Variants in ENTPD3 observed in about 807,000 individuals in gnomAD.
ENTPD3 encodes ectonucleoside triphosphate diphosphohydrolase 3, also known as CD39 antigen-like 3.
A neutral mutation model predicts 51.2 loss-of-function variants in ENTPD3; 60 were observed. The ratio of observed to expected loss-of-function variants is 1.17; its 90% CI spans 0.95 to 1.45. ENTPD3 has a LOEUF of 1.45. Ranked by LOEUF, ENTPD3 falls within the 40% of genes most tolerant of loss-of-function variation. The probability of loss-of-function intolerance (pLI) is 0.00; values close to 1 mark genes in which losing one functional copy is unlikely to be tolerated. For missense variants in ENTPD3, 593 were observed against 641.1 expected (o/e 0.93, Z 0.81); for synonymous variants, 221 against 238.4 (o/e 0.93, Z 0.67).
chr3:40,416,997 C>T (rs1955762687), intron 7 of ENTPD3, among the ~76,000 whole-genome samples: 1 of 152,148 alleles, frequency 6.6e-6, no homozygotes, highest in South Asian at 2.1e-4. Flanking sequence ...GCATCTTCAG[C>T]AGGACTCACA....
Position 40,423,135 on chromosome 3 carries a change from C to A in ENTPD3, c.1104+13C>A, listed in dbSNP as rs755506622. On this transcript the variant is annotated intron_variant, in intron 8 of 10. Coordinates refer to ENST00000301825, the MANE Select transcript of ENTPD3 (RefSeq NM_001248.4). ...AGGGCCATTTGTGGTAAGAGCAAAA[C>A]CTTCTGAAAGATTCCTTTCCCCATT... 2.5e-6 allele frequency: 4 copies of A among 1,601,572 alleles called. No homozygotes were observed. The East Asian group carries it at 6.7e-5, about 27-fold the overall frequency.
chr3:40,392,157 G>A lies in ENTPD3; in HGVS notation c.168+7G>A. On this transcript the variant is annotated splice_region_variant and intron_variant, in intron 3 of 10. Coordinates refer to ENST00000301825, the MANE Select transcript of ENTPD3 (RefSeq NM_001248.4). ...CCTCCCTCCAGGACTGAAGGTAAGT[G>A]TGAAGGGACTGGCAACAAAGGGAAG... 2 of 1,613,256 alleles carry A rather than the reference G, an allele frequency of 1.2e-6. No homozygotes were observed. The highest frequency in any genetic ancestry group is 2.2e-5 in the East Asian group (1 of 44,860).
At chr3:40,425,342 G>A (rs1476601858) in intron 10 of ENTPD3, among the ~76,000 whole-genome samples, 1 of 152,026 alleles carries the variant, frequency 6.6e-6, no homozygotes, top group Non-Finnish European at 1.5e-5. Flanking sequence ...CTTGCACCTG[G>A]GAGGTGAAGG....
intron 2 of ENTPD3, 143 bp downstream of exon 2, chr3:40,388,240 C>A: frequency 1.4e-6 from 1 of 711,166 alleles, no homozygotes; most frequent in South Asian, 1.7e-5. Context: ...AGCTGGGTTT[C>A]AACACCGGCA....
chr3:40,408,844 C>T (rs987687482), intron 4 of ENTPD3, among the ~76,000 whole-genome samples: 3 of 152,096 alleles, frequency 2.0e-5, no homozygotes, highest in Non-Finnish European at 4.4e-5. Context: ...CCAGCCTGGG[C>T]AACATAGCAA....
chr3:40,417,474 C>T (rs554081417), intron 7 of ENTPD3, among the ~76,000 whole-genome samples: 1 of 152,068 alleles, frequency 6.6e-6, no homozygotes, highest in Non-Finnish European at 1.5e-5. Context: ...GATCTCCTGA[C>T]AACTCACTCA....
chr3:40,402,339 G>A lies in ENTPD3; in HGVS notation c.286+1328G>A, dbSNP rs192577195. ...TCACCATGTTGGCCAGGCTGGCTTC[G>A]AACTCCTGACCTCAAGTGATCCACC... is the stretch of plus-strand genomic sequence containing the variant. On this transcript the variant is annotated intron_variant, in intron 4 of 10. Coordinates refer to ENST00000301825, the MANE Select transcript of ENTPD3 (RefSeq NM_001248.4). 6.4e-3 allele frequency among the ~76,000 whole-genome samples: 969 copies of A among 151,794 alleles called. 4 individuals carry two copies. Among genetic ancestry groups the A allele is most frequent in the Non-Finnish European group, 0.011 (750 of 67,934 alleles).
intron 6 of ENTPD3, 129 bp downstream of exon 6, chr3:40,414,969 G>T (rs1955712880): frequency 1.1e-6 from 1 of 910,156 alleles, no homozygotes; most frequent in East Asian, 2.4e-5. Context: ...TAACGCATTA[G>T]GGAAATACCT....
Position 40,405,799 on chromosome 3 carries a change from G to A in ENTPD3, c.286+4788G>A, listed in dbSNP as rs749295364. Among the ~76,000 whole-genome samples, 6 of 152,110 alleles carry A rather than the reference G, an allele frequency of 3.9e-5. No individual in the cohort carries two copies. The East Asian group carries it at 5.8e-4, about 15-fold the overall frequency. On this transcript the variant is annotated intron_variant, in intron 4 of 10. Coordinates refer to ENST00000301825, the MANE Select transcript of ENTPD3 (RefSeq NM_001248.4). Reference sequence around the variant, plus strand: ...CATTCTATCTCGCCTCTCACCAGCCGCTAACCAGAGACCAGCTCCTTGCAG... The same window carrying A: ...CATTCTATCTCGCCTCTCACCAGCCACTAACCAGAGACCAGCTCCTTGCAG...
intron 7 of ENTPD3, among the ~76,000 whole-genome samples, chr3:40,420,348 A>G (rs1955839806): frequency 2.0e-5 from 3 of 149,030 alleles, no homozygotes; most frequent in Non-Finnish European, 3.0e-5. Flanking sequence ...CCATTCTCCT[A>G]CCTCAGCCTC....
At chr3:40,424,961 T>A in intron 10 of ENTPD3, 2 of 468,448 alleles carry the variant, frequency 4.3e-6, no homozygotes, top group South Asian at 7.4e-5. Flanking sequence ...ATGTACTCTC[T>A]AAGCTTTGCT....
At chr3:40,423,470 G>T in intron 9 of ENTPD3, 69 bp downstream of exon 9, 4 of 1,134,508 alleles carry the variant, frequency 3.5e-6, no homozygotes, top group Non-Finnish European at 5.2e-6. Flanking sequence ...CTATGTGTGT[G>T]TATTCTGAAT....
intron 10 of ENTPD3, among the ~76,000 whole-genome samples, chr3:40,427,005 T>G (rs1188385544): frequency 1.3e-5 from 2 of 152,186 alleles, no homozygotes; most frequent in African/African-American, 4.8e-5. Flanking sequence ...ACACTTTCAC[T>G]GTTATTAACT....
At chr3:40,427,105 A>G (rs1356327225) in intron 10 of ENTPD3, among the ~76,000 whole-genome samples, 167 bp from the exon 11 acceptor site, 1 of 152,146 alleles carries the variant, frequency 6.6e-6, no homozygotes, top group African/African-American at 2.4e-5. Flanking sequence ...GATTTCCCCA[A>G]GCCTTTGTGG....
rs146079517 is a variant in ENTPD3, at chr3:40,423,123, G to T, written c.1104+1G>T. On this transcript the variant is annotated splice_donor_variant, in intron 8 of 10. Transcript: ENST00000301825. LOFTEE classifies it high-confidence loss of function. ...GCCAAAGATTAAAGGGCCATTTGTG[G>T]TAAGAGCAAAACCTTCTGAAAGATT... is the stretch of plus-strand genomic sequence containing the variant. 11 of 1,608,918 alleles carry T rather than the reference G, an allele frequency of 6.8e-6. No homozygotes were observed. Among genetic ancestry groups the T allele is most frequent in the Admixed American group, 1.7e-5 (1 of 59,430 alleles).
At chr3:40,404,023 C>T (rs957655381) in intron 4 of ENTPD3, among the ~76,000 whole-genome samples, 2 of 151,854 alleles carry the variant, frequency 1.3e-5, no homozygotes, top group Non-Finnish European at 2.9e-5. Flanking sequence ...CCTCAACCAG[C>T]GATCCTCTAT....
Position 40,401,030 on chromosome 3 carries a change from C to A in ENTPD3, c.286+19C>A. On this transcript the variant is annotated intron_variant, in intron 4 of 10. Coordinates refer to ENST00000301825, the MANE Select transcript of ENTPD3 (RefSeq NM_001248.4). ...GTGAAAGGTAAGGACTGAAGTGTGT[C>A]TGGGAGTCACAATGGGCAGCAAGGT... 6.3e-7 allele frequency: 1 copy of A among 1,575,540 alleles called. No homozygotes were observed. The highest frequency in any genetic ancestry group is 1.7e-5 in the Admixed American group (1 of 59,956).
At chr3:40,416,117 G>A in intron 7 of ENTPD3, 44 bp downstream of exon 7, 2 of 1,453,924 alleles carry the variant, frequency 1.4e-6, no homozygotes, top group Non-Finnish European at 1.9e-6. Context: ...TCTCTTGAGG[G>A]TTTGAGCTGA....
chr3:40,423,310 A>G lies in ENTPD3; in HGVS notation c.1124A>G (p.Tyr375Cys), dbSNP rs1458415884. The change falls in exon 9 of 11, where the codon TAC becomes TGC. Residue 375 changes from tyrosine (Y) to cysteine (C), a missense_variant. Transcript: ENST00000301825. ...GPFVAFAGFY[Y>C]TASALNLSGS... ...TTCCAGGCTTTTGCAGGATTCTACT[A>G]CACAGCCAGTGCTTTAAATCTTTCA... The G allele has an allele frequency of 6.2e-7, 1 of 1,613,786 alleles. No individual in the cohort carries two copies. The highest frequency in any genetic ancestry group is 2.2e-5 in the East Asian group (1 of 44,878).
Sources: allele counts gnomAD v4.1 joint callset (sites outside exome capture counted in the v4.1 genomes callset), GRCh38; gene constraint gnomAD v4.1.1; transcripts MANE v1.5; gene names NCBI Gene and HGNC (gene_info 2026-07-23, HGNC 2026-07-21).